Variants in ST3GAL5 observed in about 807,000 individuals in gnomAD.
ST3GAL5 encodes the protein lactosylceramide alpha-2,3-sialyltransferase.
A neutral mutation model predicts 46.1 loss-of-function variants in ST3GAL5; 25 were observed. That is an observed-to-expected ratio of 0.54 (90% CI 0.40 to 0.76). The LOEUF (loss-of-function observed/expected upper bound fraction) is 0.76. Ranked by LOEUF, ST3GAL5 falls within the 30% of genes least tolerant of loss-of-function variation. The pLI is 0.00. For synonymous variants in ST3GAL5, 182 were observed against 192.7 expected, an observed-to-expected ratio of 0.94 and a Z score of 0.46; for missense variants, 431 against 521.2, an observed-to-expected ratio of 0.83 and a Z score of 1.69.
At chr2:85,863,232 CTGAGGCATCCTT>C (rs1684914355) in intron 2 of ST3GAL5, 118 bp downstream of exon 2, 1 of 1,552,260 alleles carries the variant, frequency 6.4e-7, no homozygotes, top group Non-Finnish European at 8.8e-7. Flanking sequence ...CTTTGAATGT[CTGAGGCATCCTT>C]TGACCAAGCA....
chr2:85,887,087 CA>C (rs1687845863), intron 1 of ST3GAL5, among the ~76,000 whole-genome samples: 1 of 152,160 alleles, frequency 6.6e-6, no homozygotes, highest in Non-Finnish European at 1.5e-5. Flanking sequence ...TGGACTCCCA[CA>C]GAGGACTCAC....
intron 3 of ST3GAL5, chr2:85,850,866 A>C (rs1367471000): frequency 1.3e-5 from 2 of 151,978 alleles, no homozygotes; most frequent in African/African-American, 4.8e-5. Context: ...TTCCATTTCC[A>C]TTCTCACCAA....
chr2:85,849,893 C>T (rs1023805780), intron 3 of ST3GAL5: 1 of 128,868 alleles, frequency 7.8e-6, no homozygotes, highest in African/African-American at 3.1e-5. Flanking sequence ...TGTGTGTAAT[C>T]CTATATTTAC....
Position 85,839,775 on chromosome 2 carries a change from G to C in ST3GAL5, c.*369C>G. ...GAGGTTCAGGGCCACCATCAAAAGA[G>C]TGACCTCCCCTCTCCTTCCAATTAG... On this transcript the variant is annotated 3_prime_UTR_variant, in exon 7 of 7. Transcript: ENST00000638572. 1 of 336,064 alleles carries C rather than the reference G, an allele frequency of 3.0e-6. No individual in the cohort carries two copies. The highest frequency in any genetic ancestry group is 5.8e-6 in the Non-Finnish European group (1 of 173,662). 20.8% of individuals were successfully genotyped at this position (336,064 alleles called of 1,614,324 possible). A position where few individuals can be genotyped will look rare whatever the true frequency, so the allele number is the denominator to read the frequency against.
At position 85,857,097 on chromosome 2, in the gene ST3GAL5, A is replaced by AAAAAAAAT. The variant is rs1558669884; in HGVS notation, c.318+4083_318+4084insATTTTTTT. Reference sequence around the variant, plus strand: ...AAAAAAAAAAAAAAAAAAAAAAAAAATAGGCACGTATGGTGGTGCATGCTA... The same window carrying AAAAAAAAT: ...AAAAAAAAAAAAAAAAAAAAAAAAAAAAAAAAATTAGGCACGTATGGTGGTGCATGCTA... On this transcript the variant is annotated intron_variant, in intron 3 of 6. Coordinates refer to ENST00000638572, the MANE Select transcript of ST3GAL5 (RefSeq NM_003896.4). 5.6e-4 allele frequency among the ~76,000 whole-genome samples: 74 copies of AAAAAAAAT among 132,390 alleles called. 3 individuals carry two copies. The highest frequency in any genetic ancestry group is 1.8e-3 in the African/African-American group (68 of 36,906). 86.9% of individuals were successfully genotyped at this position (132,390 alleles called of 152,430 possible).
intron 3 of ST3GAL5, chr2:85,852,754 A>T: frequency 1.6e-6 from 1 of 620,424 alleles, no homozygotes; most frequent in South Asian, 1.8e-5. Context: ...TAGAAAAAAA[A>T]ATAATCAGGA....
In ST3GAL5 at chr2:85,864,315, T is replaced by A. The variant is rs532572867; in HGVS notation, c.83-830A>T. ...TCCTAAACTTTAAAGTTTATTTTTT[T>A]TAAAAAGGACCTTTTACCTTTTAGA... On this transcript the variant is annotated intron_variant, in intron 1 of 6. Coordinates refer to ENST00000638572, the MANE Select transcript of ST3GAL5 (RefSeq NM_003896.4). 5.9e-5 allele frequency among the ~76,000 whole-genome samples: 9 copies of A among 152,274 alleles called. No individual in the cohort carries two copies. The East Asian group carries it at 1.7e-3, about 29-fold the overall frequency.
chr2:85,886,020 G>A (rs900350634), intron 1 of ST3GAL5, among the ~76,000 whole-genome samples: 3 of 152,122 alleles, frequency 2.0e-5, no homozygotes, highest in Non-Finnish European at 4.4e-5. Flanking sequence ...CTAACAATGC[G>A]TGACTATGTG....
intron 2 of ST3GAL5, among the ~76,000 whole-genome samples, chr2:85,862,982 A>G (rs1010246821): frequency 2.0e-5 from 3 of 152,238 alleles, no homozygotes; most frequent in African/African-American, 7.2e-5. Flanking sequence ...ATTTAACAGT[A>G]TTCAAGGGCC....
Position 85,888,921 on chromosome 2 carries a change from C to T in ST3GAL5, c.-16G>A. 1 of 1,343,676 alleles carries T rather than the reference C, an allele frequency of 7.4e-7. No homozygotes were observed. The highest frequency in any genetic ancestry group is 9.6e-7 in the Non-Finnish European group (1 of 1,041,524). The allele number at this position is 1,343,676 out of a possible 1,614,324, so 83.2% of individuals were successfully genotyped here. Reference sequence around the variant, plus strand: ...TCGTCCGCATACTAATGAGGGGGCGCCGGCCGGCCGCCAGCCCGGTACCCC... The same window carrying T: ...TCGTCCGCATACTAATGAGGGGGCGTCGGCCGGCCGCCAGCCCGGTACCCC... On this transcript the variant is annotated 5_prime_UTR_variant, in exon 1 of 7. Transcript: ENST00000638572.
chr2:85,874,362 G>C (rs912466180), intron 1 of ST3GAL5, among the ~76,000 whole-genome samples: 5 of 152,132 alleles, frequency 3.3e-5, no homozygotes, highest in African/African-American at 1.2e-4. Flanking sequence ...TTACTGAAGA[G>C]GTAAAGATGT....
chr2:85,888,960 C>T lies in ST3GAL5; in HGVS notation c.-55G>A. The T allele has an allele frequency of 8.2e-7, 1 of 1,225,814 alleles. No individual in the cohort carries two copies. The highest frequency in any genetic ancestry group is 1.0e-6 in the Non-Finnish European group (1 of 975,594). 75.9% of individuals were successfully genotyped at this position (1,225,814 alleles called of 1,614,324 possible). A position where few individuals can be genotyped will look rare whatever the true frequency, so the allele number is the denominator to read the frequency against. On this transcript the variant is annotated 5_prime_UTR_variant, in exon 1 of 7. Transcript: ENST00000638572. ...GCCCGGTACCCCGCGCCCCCACCCG[C>T]CCCCAGCGCCGCTCTCGCGCCCATT...
At chr2:85,849,420 C>T (rs947795378) in intron 3 of ST3GAL5, 2 of 151,772 alleles carry the variant, frequency 1.3e-5, no homozygotes, top group African/African-American at 2.4e-5. Context: ...ACATGACCAT[C>T]CTGGCTAATA....
At chr2:85,877,587 T>G (rs1686720538) in intron 1 of ST3GAL5, among the ~76,000 whole-genome samples, 1 of 152,254 alleles carries the variant, frequency 6.6e-6, no homozygotes, top group Non-Finnish European at 1.5e-5. Context: ...AGGTGGTAGA[T>G]GCCAGGTTCT....
intron 1 of ST3GAL5, chr2:85,870,335 G>A (rs1461888296): frequency 2.9e-5 from 13 of 445,222 alleles, no homozygotes; most frequent in Admixed American, 2.4e-4. Context: ...TGAGGGTTTC[G>A]GAGGCGATGG....
intron 3 of ST3GAL5, 72 bp from the exon 4 acceptor site, chr2:85,848,276 A>G (rs879370398): frequency 1.2e-6 from 2 of 1,612,434 alleles, no homozygotes; most frequent in Non-Finnish European, 1.7e-6. Context: ...CTAGATGACA[A>G]TTTGTCCTAT....
intron 6 of ST3GAL5, among the ~76,000 whole-genome samples, chr2:85,840,859 A>G (rs1400402200): frequency 1.4e-5 from 2 of 143,114 alleles, no homozygotes; most frequent in African/African-American, 5.2e-5. Flanking sequence ...CAGGAGAATC[A>G]CTTGAACCCA....
rs1228638522 is a variant in ST3GAL5, at chr2:85,837,139, C to T, written c.*3005G>A. On this transcript the variant is annotated 3_prime_UTR_variant, in exon 7 of 7. Transcript: ENST00000638572. ...GACATATTGAAGATATATCTATACT[C>T]CCATATTTATTGCAGCGCTATTCAC... 1 of 152,214 alleles carries T rather than the reference C, an allele frequency of 6.6e-6. No homozygotes were observed. The highest frequency in any genetic ancestry group is 1.9e-4 in the East Asian group (1 of 5,206). 9.4% of individuals were successfully genotyped at this position (152,214 alleles called of 1,614,324 possible).
Position 85,863,505 on chromosome 2 carries a change from G to A in ST3GAL5, c.83-20C>T, listed in dbSNP as rs1351992060. The A allele has an allele frequency of 3.7e-6, 6 of 1,613,894 alleles. No homozygotes were observed. The highest frequency in any genetic ancestry group is 1.1e-5 in the South Asian group (1 of 91,082). ...GCATTGCTGTGAAGAGAGGCGAAGA[G>A]GGCAGTGGGGAAAAAGAGAGGAGAG... On this transcript the variant is annotated intron_variant, in intron 1 of 6. Transcript: ENST00000638572.
Sources: gnomAD v4.1 joint callset for allele counts (sites outside exome capture counted in the v4.1 genomes callset) on GRCh38, gnomAD v4.1.1 for gene constraint, MANE v1.5 for transcripts, NCBI Gene and HGNC (gene_info 2026-07-23, HGNC 2026-07-21) for gene names.